The following PLA2G4E variants were observed in gnomAD, a reference collection of about 807,000 sequenced individuals.
The protein encoded by PLA2G4E is phospholipase A2 group IVE, also known as cytosolic phospholipase A2 epsilon.
PLA2G4E carries 84 observed loss-of-function variants against 109.1 expected under a neutral mutation model. That is an observed-to-expected ratio of 0.77 (90% CI 0.65 to 0.92). The LOEUF (loss-of-function observed/expected upper bound fraction) is 0.92, where lower values mean the gene tolerates loss of function less well. Among genes scored for constraint, PLA2G4E ranks in the 40% least tolerant of loss-of-function variants. PLA2G4E has a pLI of 0.00. For synonymous variants in PLA2G4E, 469 were observed against 436.1 expected, an observed-to-expected ratio of 1.08 and a Z score of -0.94; for missense variants, 1,057 against 1,076.6, an observed-to-expected ratio of 0.98 and a Z score of 0.25.
chr15:41,988,519 A>G (rs1336085549), intron 15 of PLA2G4E, among the ~76,000 whole-genome samples: 2 of 152,254 alleles, frequency 1.3e-5, no homozygotes, highest in Admixed American at 6.5e-5. Context: ...CGAGCACTCA[A>G]TAAATGCAAA....
chr15:41,999,013 C>G (rs2141039962), intron 10 of PLA2G4E: 1 of 152,156 alleles, frequency 6.6e-6, no homozygotes, highest in South Asian at 2.1e-4. Context: ...GATCACACCA[C>G]TGCACTCCAG....
chr15:42,043,956 A>G (rs1355147524), intron 1 of PLA2G4E, among the ~76,000 whole-genome samples: 1 of 152,220 alleles, frequency 6.6e-6, no homozygotes, highest in African/African-American at 2.4e-5. Flanking sequence ...GGACAAATAA[A>G]TTGGAAAGAA....
intron 1 of PLA2G4E, among the ~76,000 whole-genome samples, chr15:42,048,832 G>A (rs888569442): frequency 2.0e-5 from 3 of 152,212 alleles, no homozygotes; most frequent in Non-Finnish European, 2.9e-5. Context: ...TCCAGAGCCC[G>A]TGCTCTTCAC....
chr15:42,028,670 G>A (rs1260441346), intron 1 of PLA2G4E, among the ~76,000 whole-genome samples: 2 of 152,170 alleles, frequency 1.3e-5, no homozygotes, highest in African/African-American at 2.4e-5. Flanking sequence ...GCCTCCCAAA[G>A]TGCTGGGATT....
chr15:42,000,073 C>T (rs1272307717), intron 8 of PLA2G4E, 31 bp downstream of exon 8: 1 of 1,575,556 alleles, frequency 6.3e-7, no homozygotes, highest in South Asian at 1.2e-5. Flanking sequence ...CCCAGTCCCC[C>T]ACACCTCCCC....
Position 42,001,231 on chromosome 15 carries a change from CA to C in PLA2G4E, c.610-12del. ...GGAGACTTGTCGAGACTGTAAAAAACAAAGGAGGGTCACAGAGTGTCTGAGC... is the reference window on the plus strand; with the variant it reads ...GGAGACTTGTCGAGACTGTAAAAAACAAGGAGGGTCACAGAGTGTCTGAGC... On this transcript the variant is annotated splice_polypyrimidine_tract_variant and intron_variant, in intron 6 of 19. Transcript: ENST00000399518. 6.2e-7 allele frequency: 1 copy of C among 1,609,648 alleles called. No individual in the cohort carries two copies. Among genetic ancestry groups the C allele is most frequent in the Non-Finnish European group, 8.5e-7 (1 of 1,175,950 alleles).
exon 3 of PLA2G4E, chr15:42,007,824 C>T (rs370475290): frequency 8.0e-5 from 129 of 1,609,314 alleles, no homozygotes; most frequent in South Asian, 7.8e-5. Flanking sequence ...TTCTGAGAGG[C>T]GGTGGGCAGC....
chr15:41,987,500 T>C, intron 16 of PLA2G4E, 125 bp from the exon 17 acceptor site: 3 of 835,480 alleles, frequency 3.6e-6, no homozygotes, highest in Non-Finnish European at 5.7e-6. Context: ...CATACCTTCC[T>C]TGCTGGGCTC....
intron 13 of PLA2G4E, among the ~76,000 whole-genome samples, chr15:41,990,651 T>C (rs1308699323): frequency 6.6e-6 from 1 of 151,474 alleles, no homozygotes; most frequent in Non-Finnish European, 1.5e-5. Flanking sequence ...CATGTTGAGC[T>C]CCCTCAACTG....
chr15:41,984,169 A>T (rs1275671590), intron 19 of PLA2G4E, among the ~76,000 whole-genome samples, 195 bp from the exon 20 acceptor site: 1 of 152,174 alleles, frequency 6.6e-6, no homozygotes, highest in Non-Finnish European at 1.5e-5. Flanking sequence ...AGGCTTGCCC[A>T]TTGGAGGATT....
In PLA2G4E at chr15:42,005,970, G is replaced by A; in HGVS notation, c.525+20C>T. On this transcript the variant is annotated intron_variant, in intron 4 of 19. Coordinates refer to ENST00000399518, the Ensembl canonical transcript of PLA2G4E. Reference sequence around the variant, plus strand: ...GGTTATCATGAAGCCGGAGTCTGAGGGCCTGTACCCTGCACCCACCTGCGG... The same window carrying A: ...GGTTATCATGAAGCCGGAGTCTGAGAGCCTGTACCCTGCACCCACCTGCGG... The A allele has an allele frequency of 6.2e-7, 1 of 1,612,954 alleles. No individual in the cohort carries two copies. Among genetic ancestry groups the A allele is most frequent in the South Asian group, 1.1e-5 (1 of 90,998 alleles).
chr15:41,984,465 T>C lies in PLA2G4E; in HGVS notation c.2357A>G (p.Asn786Ser), dbSNP rs757249528. The C allele has an allele frequency of 1.3e-4, 204 of 1,613,586 alleles. No individual in the cohort carries two copies. Among genetic ancestry groups the C allele is most frequent in the Non-Finnish European group, 1.6e-4 (187 of 1,179,716 alleles). ...TGCCTTGTATTTTCGGAAAGTGTCA[T>C]TGATGAGTGGGAAGAAAGTCACGAT... Residue 786 changes from asparagine to serine, a missense_variant, in exon 19 of 20, where the codon AAT becomes AGT. Coordinates refer to ENST00000399518, the Ensembl canonical transcript of PLA2G4E.
At chr15:41,987,172 C>G (rs763699482) in exon 17 of PLA2G4E, 4 of 1,612,906 alleles carry the variant, frequency 2.5e-6, no homozygotes, top group South Asian at 1.1e-5. Flanking sequence ...GTAGGGTTAC[C>G]TTTCCACCTA....
At position 42,011,745 on chromosome 15, in the gene PLA2G4E, T is replaced by C. The variant is rs192168968; in HGVS notation, c.256+1940A>G. On this transcript the variant is annotated intron_variant, in intron 2 of 19. Coordinates refer to ENST00000399518, the Ensembl canonical transcript of PLA2G4E. Reference sequence around the variant, plus strand: ...ACTCTGTCTCAAAATAAAATAAAAATAAAAATAAAAATAAAAAGCAGAAGG... The same window carrying C: ...ACTCTGTCTCAAAATAAAATAAAAACAAAAATAAAAATAAAAAGCAGAAGG... 3.8e-3 allele frequency among the ~76,000 whole-genome samples: 550 copies of C among 146,480 alleles called. 3 individuals are homozygous for C. The highest frequency in any genetic ancestry group is 4.8e-3 in the Non-Finnish European group (324 of 67,832).
At chr15:41,999,741 T>C (rs2068393684) in intron 9 of PLA2G4E, among the ~76,000 whole-genome samples, 176 bp downstream of exon 9, 1 of 152,044 alleles carries the variant, frequency 6.6e-6, no homozygotes, top group African/African-American at 2.4e-5. Flanking sequence ...CCATACACTC[T>C]TTGGACCACA....
exon 11 of PLA2G4E, chr15:41,997,199 C>A: frequency 1.3e-6 from 2 of 1,554,144 alleles, no homozygotes; most frequent in Non-Finnish European, 8.7e-7. Context: ...TCCGCTTCTG[C>A]AGAAACTCCA....
chr15:42,012,827 C>T (rs866294541), intron 2 of PLA2G4E, among the ~76,000 whole-genome samples: 16 of 152,342 alleles, frequency 1.1e-4, no homozygotes, highest in South Asian at 4.1e-4. Context: ...ATCCCTGTGG[C>T]GCTTGAGTCA....
At chr15:41,990,260 G>A (rs370582776) in intron 13 of PLA2G4E, 25 bp from the exon 14 acceptor site, 65 of 1,604,164 alleles carry the variant, frequency 4.1e-5, no homozygotes, top group Non-Finnish European at 1.9e-5. Flanking sequence ...AATGGTTAAA[G>A]AGAAGCAGCA....
At chr15:42,028,384 C>CTTATTTATTTAT (rs59541409) in intron 1 of PLA2G4E, among the ~76,000 whole-genome samples, 784 of 25,748 alleles carry the variant, frequency 0.03, 8 homozygotes, top group African/African-American at 0.079. Flanking sequence ...TATTTATTTA[C>CTTATTTATTTAT]TTATTTATTT....
Sources: gnomAD v4.1 joint callset for allele counts (sites outside exome capture counted in the v4.1 genomes callset) on GRCh38, gnomAD v4.1.1 for gene constraint, MANE v1.5 for transcripts, NCBI Gene and HGNC (gene_info 2026-07-23, HGNC 2026-07-21) for gene names.